RYR1: variants seen among roughly 807,000 people sequenced by gnomAD.
RYR1 encodes central core disease of muscle.
A neutral mutation model predicts 583.5 loss-of-function variants in RYR1; 342 were observed. The observed-to-expected ratio is 0.59, with a 90% CI of 0.54 to 0.64. RYR1 has a LOEUF of 0.64. Ranked by LOEUF, RYR1 falls within the 30% of genes least tolerant of loss-of-function variation. RYR1 has a pLI of 0.00. For synonymous variants in RYR1, 2,791 were observed against 2,822.5 expected, an observed-to-expected ratio of 0.99 and a Z score of 0.35; for missense variants, 6,032 against 6,917.2, an observed-to-expected ratio of 0.87 and a Z score of 4.54.
At chr19:38,536,896 C>A (rs1971995704) in intron 83 of RYR1, 129 bp downstream of exon 83, 8 of 947,210 alleles carry the variant, frequency 8.4e-6, no homozygotes, top group Non-Finnish European at 1.2e-5. Flanking sequence ...GCAGGTGCAC[C>A]CTGCCAGTGC....
Position 38,492,390 on chromosome 19 carries a change from C to T in RYR1, c.6128-100C>T, listed in dbSNP as rs1353063029. 11 of 1,035,466 alleles carry T rather than the reference C, an allele frequency of 1.1e-5. No homozygotes were observed. In the South Asian group the frequency reaches 1.4e-4, roughly 13 times the overall value. The allele number at this position is 1,035,466 out of a possible 1,614,324, so 64.1% of individuals were successfully genotyped here. ...AAAAAAAAAAAAAGGAAATGAAAAA[C>T]TCCATGCATGCATGCACATATGCAC... On this transcript the variant is annotated intron_variant, in intron 37 of 105. Coordinates refer to ENST00000359596, the MANE Select transcript of RYR1 (RefSeq NM_000540.3).
At chr19:38,453,119 G>A (rs905716464) in intron 13 of RYR1, 105 bp downstream of exon 13, 2 of 1,202,610 alleles carry the variant, frequency 1.7e-6, no homozygotes, top group East Asian at 2.6e-5. Flanking sequence ...GGGACCTGGG[G>A]AAGTAGGGTC....
chr19:38,566,157 A>C (rs1418829223), intron 91 of RYR1, among the ~76,000 whole-genome samples: 1 of 151,738 alleles, frequency 6.6e-6, no homozygotes, highest in Non-Finnish European at 1.5e-5. Context: ...GGCAGGAAAG[A>C]CCAAAACTAA....
intron 31 of RYR1, 86 bp downstream of exon 31, chr19:38,478,686 C>A: frequency 6.6e-7 from 1 of 1,510,660 alleles, no homozygotes; most frequent in Non-Finnish European, 9.1e-7. Flanking sequence ...GAGGCCAGAC[C>A]TCAGAGATGG....
rs977048759 is a variant in RYR1, at chr19:38,505,222, G to C, written c.8311-87G>C. On this transcript the variant is annotated intron_variant, in intron 52 of 105. Transcript: ENST00000359596. ...CTTAGCTTGTTCTGGGACCCCCCCA[G>C]GATTCTCTGTCCTCGGCTCCTCCAG... The C allele has an allele frequency of 9.0e-5, 107 of 1,183,228 alleles. 1 individual carries two copies. The South Asian group carries it at 1.0e-3, about 11-fold the overall frequency. The allele number at this position is 1,183,228 out of a possible 1,614,324, so 73.3% of individuals were successfully genotyped here.
In RYR1 at chr19:38,463,151, C is replaced by T. The variant is rs867287835; in HGVS notation, c.2578-272C>T. On this transcript the variant is annotated intron_variant, in intron 20 of 105. Coordinates refer to ENST00000359596, the MANE Select transcript of RYR1 (RefSeq NM_000540.3). The stretch of plus-strand genomic sequence containing the variant: ...GACCTCAGGCGATCTGCCCCCCCCC[C>T]CCCCACTTAGCCTCCCAAAGTGCTG... Among the ~76,000 whole-genome samples the T allele has an allele frequency of 2.9e-5, 2 of 69,782 alleles. 1 individual carries two copies. The highest frequency in any genetic ancestry group is 7.5e-5 in the Non-Finnish European group (2 of 26,774). The allele number at this position is 69,782 out of a possible 152,430, so 45.8% of individuals were successfully genotyped here.
intron 13 of RYR1, 62 bp downstream of exon 13, chr19:38,453,076 C>T: frequency 3.3e-6 from 4 of 1,212,706 alleles, no homozygotes; most frequent in South Asian, 1.3e-5. Flanking sequence ...CACTGAGGGG[C>T]GGGGCCACGG....
At chr19:38,516,268 C>T (rs888458745) in intron 65 of RYR1, 51 bp downstream of exon 65, 3 of 1,558,818 alleles carry the variant, frequency 1.9e-6, no homozygotes, top group Admixed American at 3.8e-5. Context: ...CTCCCCAGCA[C>T]AGGGCCTTGG....
At position 38,566,753 on chromosome 19, in the gene RYR1, T is replaced by C. The variant is rs1231968267; in HGVS notation, c.13438-158T>C. On this transcript the variant is annotated intron_variant, in intron 91 of 105. Coordinates refer to ENST00000359596, the MANE Select transcript of RYR1 (RefSeq NM_000540.3). ...TCGATGAGCCTCAGTTTCCCCTCTG[T>C]AAAACGGGAATCATAATCTGCCTCT... 2.0e-5 allele frequency among the ~76,000 whole-genome samples: 3 copies of C among 152,202 alleles called. 1 individual carries two copies. Among genetic ancestry groups the C allele is most frequent in the African/African-American group, 7.2e-5 (3 of 41,528 alleles).
chr19:38,559,409 T>A lies in RYR1; in HGVS notation c.12283-1704T>A, dbSNP rs193247219. Among the ~76,000 whole-genome samples the A allele has an allele frequency of 2.0e-5, 3 of 151,978 alleles. No individual in the cohort carries two copies. The East Asian group carries it at 5.9e-4, about 30-fold the overall frequency. On this transcript the variant is annotated intron_variant, in intron 89 of 105. Coordinates refer to ENST00000359596, the MANE Select transcript of RYR1 (RefSeq NM_000540.3). ...CCATCATGCCTAACTAATTTTTGTA[T>A]TTTTAGTAGAGACGGGGTTTCACCA...
chr19:38,507,920 A>G (rs908152829), intron 58 of RYR1, 93 bp downstream of exon 58: 1 of 766,880 alleles, frequency 1.3e-6, no homozygotes, highest in Non-Finnish European at 2.4e-6. Context: ...CATGCACTCA[A>G]TCCGTCCTCC....
Position 38,495,710 on chromosome 19 carries a change from C to T in RYR1, c.6549-505C>T, listed in dbSNP as rs138690418. The stretch of plus-strand genomic sequence containing the variant: ...CCTAGAGGAGCCTGCCTTGGGTGCA[C>T]GCCTCAGTCTCCTTATGAGGGAAAC... On this transcript the variant is annotated intron_variant, in intron 39 of 105. Coordinates refer to ENST00000359596, the MANE Select transcript of RYR1 (RefSeq NM_000540.3). Among the ~76,000 whole-genome samples the T allele has an allele frequency of 4.3e-3, 653 of 152,128 alleles. 2 individuals carry two copies. The highest frequency in any genetic ancestry group is 6.0e-3 in the Non-Finnish European group (411 of 67,988).
chr19:38,516,242 T>G, intron 65 of RYR1, 25 bp downstream of exon 65: 6 of 1,578,548 alleles, frequency 3.8e-6, no homozygotes, highest in Middle Eastern at 1.7e-4. Context: ...GCGGGAGCAG[T>G]GCTGGGAGTC....
intron 55 of RYR1, 26 bp downstream of exon 55, chr19:38,506,403 G>T (rs1335181786): frequency 6.8e-6 from 11 of 1,613,746 alleles, no homozygotes; most frequent in African/African-American, 1.3e-5. Flanking sequence ...CTTTTGGGGG[G>T]ACATAGGGTG....
At chr19:38,528,537 AT>A in intron 74 of RYR1, 61 bp from the exon 75 acceptor site, 1 of 1,601,496 alleles carries the variant, frequency 6.2e-7, no homozygotes, top group South Asian at 1.1e-5. Flanking sequence ...CTGCAGGCGC[AT>A]GGGAGGTCGG....
intron 67 of RYR1, 86 bp from the exon 68 acceptor site, chr19:38,522,942 C>A: frequency 9.5e-7 from 1 of 1,054,836 alleles, no homozygotes; most frequent in Middle Eastern, 2.9e-4. Flanking sequence ...TCCTGGTCCC[C>A]ATCTCCTCCT....
At chr19:38,532,467 C>T (rs201424015) in intron 76 of RYR1, 23 bp from the exon 77 acceptor site, 52 of 1,613,726 alleles carry the variant, frequency 3.2e-5, no homozygotes, top group Non-Finnish European at 4.4e-5. Context: ...GGGTCCTGAC[C>T]ACTCCCCTGC....
rs10420476 is a variant in RYR1, at chr19:38,512,602, G to C, written c.9472+119G>C. 1.9e-3 allele frequency: 1,895 copies of C among 984,232 alleles called. 17 individuals are homozygous for C. The African/African-American group carries it at 0.026, about 14-fold the overall frequency. 61.0% of individuals were successfully genotyped at this position (984,232 alleles called of 1,614,324 possible). ...GTGTGGATTTCTTGCTGTAAGCAAA[G>C]CATGCAGTCAGTACCTTGGCAGGTG... On this transcript the variant is annotated intron_variant, in intron 63 of 105. Coordinates refer to ENST00000359596, the MANE Select transcript of RYR1 (RefSeq NM_000540.3). The surrounding 1 kb of genome is among the most constrained non-coding windows in gnomAD (Gnocchi z 5.1).
At position 38,443,908 on chromosome 19, in the gene RYR1, T is replaced by C. The variant is rs540581798; in HGVS notation, c.424+112T>C. On this transcript the variant is annotated intron_variant, in intron 5 of 105. Coordinates refer to ENST00000359596, the MANE Select transcript of RYR1 (RefSeq NM_000540.3). Reference sequence around the variant, plus strand: ...CATGAGACTACCCTGGGGACATGAATGGGGGCTTCGTAGCAGAGAGTCTGC... The same window carrying C: ...CATGAGACTACCCTGGGGACATGAACGGGGGCTTCGTAGCAGAGAGTCTGC... The C allele has an allele frequency of 1.1e-5, 11 of 1,020,224 alleles. No homozygotes were observed. The South Asian group carries it at 1.3e-4, about 12-fold the overall frequency. The allele number at this position is 1,020,224 out of a possible 1,614,324, so 63.2% of individuals were successfully genotyped here.
Sources: allele counts gnomAD v4.1 joint callset (sites outside exome capture counted in the v4.1 genomes callset), GRCh38; gene constraint gnomAD v4.1.1; non-coding constraint Gnocchi (gnomAD v3.1); transcripts MANE v1.5; gene names NCBI Gene and HGNC (gene_info 2026-07-23, HGNC 2026-07-21).